The following METTL15 variants were observed in gnomAD, a reference collection of about 807,000 sequenced individuals.
METTL15 encodes 12S rRNA N(4)-cytidine methyltransferase METTL15.
METTL15 carries 34 observed loss-of-function variants against 38.3 expected under a neutral mutation model. The ratio of observed to expected loss-of-function variants is 0.89; its 90% confidence interval spans 0.68 to 1.18. The LOEUF (loss-of-function observed/expected upper bound fraction) is 1.18. Among genes scored for constraint, METTL15 ranks in the 50% most tolerant of loss-of-function variants. The pLI is 0.00. For synonymous variants in METTL15, 162 were observed against 170.9 expected (o/e 0.95, Z 0.41); for missense variants, 438 against 498.4 (o/e 0.88, Z 1.15).
At chr11:28,378,743 A>G (rs935892518) in intron 5 of METTL15, among the ~76,000 whole-genome samples, 7 of 146,200 alleles carry the variant, frequency 4.8e-5, no homozygotes, top group Admixed American at 4.2e-4. Context: ...ATGGGTTTGA[A>G]GTATTCCCTC....
chr11:28,173,759 CT>C (rs1192179362), intron 3 of METTL15, among the ~76,000 whole-genome samples: 1 of 152,186 alleles, frequency 6.6e-6, no homozygotes, highest in Non-Finnish European at 1.5e-5. Flanking sequence ...TTAGCTTCCT[CT>C]TGGCTATGAC....
chr11:28,220,866 C>T (rs1046375519), intron 4 of METTL15, among the ~76,000 whole-genome samples: 1 of 152,154 alleles, frequency 6.6e-6, no homozygotes, highest in Admixed American at 6.5e-5. Context: ...AAATTGTTTT[C>T]TTTAAGAATG....
chr11:28,370,136 A>G (rs1224874413), intron 5 of METTL15, among the ~76,000 whole-genome samples: 2 of 152,104 alleles, frequency 1.3e-5, no homozygotes, highest in East Asian at 1.9e-4. Flanking sequence ...CTGTAGTTAC[A>G]TACTGATCTA....
At chr11:28,220,115 T>A (rs1853123919) in intron 4 of METTL15, among the ~76,000 whole-genome samples, 1 of 152,192 alleles carries the variant, frequency 6.6e-6, no homozygotes, top group South Asian at 2.1e-4. Flanking sequence ...CTGTATATCT[T>A]TTTTAACTTT....
chr11:28,256,734 T>C (rs1265762603), intron 4 of METTL15, among the ~76,000 whole-genome samples: 1 of 152,098 alleles, frequency 6.6e-6, no homozygotes, highest in Non-Finnish European at 1.5e-5. Context: ...TTTATTTTCT[T>C]CCACTAATTT....
At chr11:28,345,073 A>G (rs1192737955) in intron 3 of METTL15, among the ~76,000 whole-genome samples, 1 of 152,192 alleles carries the variant, frequency 6.6e-6, no homozygotes, top group Non-Finnish European at 1.5e-5. Context: ...TAATCACTAC[A>G]GGTATATCTG....
intron 3 of METTL15, among the ~76,000 whole-genome samples, chr11:28,155,568 A>G (rs1009950635): frequency 1.3e-5 from 2 of 152,150 alleles, no homozygotes; most frequent in Non-Finnish European, 2.9e-5. Flanking sequence ...CCCTCTTAAC[A>G]GAGATGAGAG....
downstream of METTL15, among the ~76,000 whole-genome samples, chr11:28,528,961 A>T (rs1280038646): frequency 1.3e-5 from 2 of 152,174 alleles, no homozygotes; most frequent in Non-Finnish European, 2.9e-5. Flanking sequence ...TTGACATGTA[A>T]TAGTAATATA....
intron 5 of METTL15, among the ~76,000 whole-genome samples, chr11:28,375,412 G>C: frequency 6.6e-6 from 1 of 151,944 alleles, no homozygotes; most frequent in Non-Finnish European, 1.5e-5. Flanking sequence ...TATGTGTCGA[G>C]GAATTTATCC....
At chr11:28,276,560 G>A (rs1855850841) in intron 4 of METTL15, among the ~76,000 whole-genome samples, 1 of 152,066 alleles carries the variant, frequency 6.6e-6, no homozygotes, top group Non-Finnish European at 1.5e-5. Flanking sequence ...AAACACCAAT[G>A]TCATTCTGCA....
chr11:28,430,930 C>A (rs1590372210), intron 6 of METTL15, among the ~76,000 whole-genome samples: 1 of 112,866 alleles, frequency 8.9e-6, no homozygotes, highest in Admixed American at 8.8e-5. Flanking sequence ...CCCGGCCAGC[C>A]GCCCCGTCCG....
At chr11:28,193,317 TG>T (rs1462989306) in intron 3 of METTL15, among the ~76,000 whole-genome samples, 1 of 152,102 alleles carries the variant, frequency 6.6e-6, no homozygotes, top group Non-Finnish European at 1.5e-5. Context: ...GAAGCATGGC[TG>T]GGGAGAACTC....
intron 5 of METTL15, among the ~76,000 whole-genome samples, chr11:28,362,583 G>A (rs76927486): frequency 0.038 from 5,763 of 152,178 alleles, 364 homozygotes; most frequent in African/African-American, 0.13. Context: ...TGACAACATG[G>A]GTTATTTGGC....
At chr11:28,323,020 TTATAAG>T (rs1443056890) in intron 6 of METTL15, among the ~76,000 whole-genome samples, 1 of 152,192 alleles carries the variant, frequency 6.6e-6, no homozygotes, top group Non-Finnish European at 1.5e-5. Flanking sequence ...GATTCGTTTC[TTATAAG>T]TATATGTATA....
chr11:28,345,498 C>G (rs972990287), intron 3 of METTL15, among the ~76,000 whole-genome samples: 44 of 152,228 alleles, frequency 2.9e-4, no homozygotes, highest in African/African-American at 1.0e-3. Context: ...CCTAGTTTAT[C>G]TTTTCTAACT....
chr11:28,481,224 C>A (rs1387642588), intron 6 of METTL15, among the ~76,000 whole-genome samples: 1 of 152,078 alleles, frequency 6.6e-6, no homozygotes, highest in Non-Finnish European at 1.5e-5. Context: ...TAACTCATAT[C>A]CATGTGGAAA....
At chr11:28,385,098 G>A (rs1461030890) in intron 5 of METTL15, among the ~76,000 whole-genome samples, 1 of 152,254 alleles carries the variant, frequency 6.6e-6, no homozygotes, top group African/African-American at 2.4e-5. Flanking sequence ...TAGGTTGTCT[G>A]TTTACTCTGT....
chr11:28,500,741 T>C (rs930442204), intron 6 of METTL15, among the ~76,000 whole-genome samples: 1 of 152,156 alleles, frequency 6.6e-6, no homozygotes, highest in African/African-American at 2.4e-5. Flanking sequence ...CAGGCTGGTC[T>C]TGAACTCCTG....
chr11:28,247,878 G>A (rs966136809), intron 4 of METTL15, among the ~76,000 whole-genome samples: 3 of 152,056 alleles, frequency 2.0e-5, no homozygotes, highest in Admixed American at 6.6e-5. Context: ...TCAAAGGAAA[G>A]TTGTTGAGTA....
Sources: allele counts gnomAD v4.1 joint callset (sites outside exome capture counted in the v4.1 genomes callset), GRCh38; gene constraint gnomAD v4.1.1; transcripts MANE v1.5; gene names NCBI Gene and HGNC (gene_info 2026-07-23, HGNC 2026-07-21).